F13B: variants seen among roughly 807,000 people sequenced by gnomAD.
F13B encodes the protein TGase.
F13B carries 58 observed loss-of-function variants against 79.8 expected under a neutral mutation model. The ratio of observed to expected loss-of-function variants is 0.73; its 90% CI spans 0.59 to 0.90. The LOEUF (loss-of-function observed/expected upper bound fraction) is 0.90, where lower values mean the gene tolerates loss of function less well. Ranked by LOEUF, F13B falls within the 40% of genes least tolerant of loss-of-function variation. The probability of loss-of-function intolerance (pLI) is 0.00; values close to 1 mark genes in which losing one functional copy is unlikely to be tolerated. For missense variants in F13B, 773 were observed against 777.0 expected (o/e 0.99, Z 0.06); for synonymous variants, 283 against 260.3 (o/e 1.09, Z -0.84).
intron 1 of F13B, among the ~76,000 whole-genome samples, chr1:197,065,339 C>CA (rs1161588416): frequency 3.3e-5 from 5 of 151,738 alleles, no homozygotes. Context: ...GAATTCCTGA[C>CA]AAAAAATTAA....
chr1:197,052,445 G>A (rs148278277), intron 9 of F13B, among the ~76,000 whole-genome samples, 189 bp downstream of exon 9: 23 of 151,878 alleles, frequency 1.5e-4, no homozygotes, highest in Admixed American at 1.2e-3. Context: ...CATGGCACAC[G>A]TATACCCATG....
At position 197,052,659 on chromosome 1, in the gene F13B, C is replaced by T; in HGVS notation, c.1530G>A (p.Val510=). 1.9e-6 allele frequency: 3 copies of T among 1,611,258 alleles called. No homozygotes were observed. ...CTTTTCTAGTACATAAAGGATATTT[C>T]ACTTCTCCTCTGTTGCACTGCACAG... The part of the protein sequence containing the change: ...ELSVQCNRGE[V]KYPLCTRKES... The change falls in exon 9 of 12, where the codon GTG becomes GTA. Residue 510 remains valine, a synonymous_variant. Transcript: ENST00000367412.
At position 197,039,280 on chromosome 1, in the gene F13B, G is replaced by C; in HGVS notation, c.*98C>G. 9.7e-7 allele frequency: 1 copy of C among 1,031,184 alleles called. No individual in the cohort carries two copies. The highest frequency in any genetic ancestry group is 1.4e-5 in the South Asian group (1 of 71,678). The allele number at this position is 1,031,184 out of a possible 1,614,324, so 63.9% of individuals were successfully genotyped here. A position where few individuals can be genotyped will look rare whatever the true frequency, so the allele number is the denominator to read the frequency against. ...ATTTAGATTCAAATATTTAAGCAAG[G>C]AAAAACTCCGAAGTTTTTAACTTAT... On this transcript the variant is annotated 3_prime_UTR_variant, in exon 12 of 12. Transcript: ENST00000367412.
intron 9 of F13B, among the ~76,000 whole-genome samples, chr1:197,051,637 T>C (rs1232887044): frequency 2.0e-5 from 3 of 152,150 alleles, no homozygotes; most frequent in Non-Finnish European, 4.4e-5. Flanking sequence ...AATTAAAAGA[T>C]GTCAGCATGG....
intron 5 of F13B, among the ~76,000 whole-genome samples, chr1:197,058,816 A>T (rs893053027): frequency 5.3e-5 from 8 of 152,092 alleles, no homozygotes; most frequent in African/African-American, 1.9e-4. Context: ...CCACAACTGA[A>T]TTATATTGTT....
Position 197,039,143 on chromosome 1 carries a change from T to C in F13B, c.*235A>G. On this transcript the variant is annotated 3_prime_UTR_variant, in exon 12 of 12. Transcript: ENST00000367412. ...AAAATATGATGTGTAGATTAATTTGTAACAGATGGAAGACATACAAAAGAG... is the reference window on the plus strand; with the variant it reads ...AAAATATGATGTGTAGATTAATTTGCAACAGATGGAAGACATACAAAAGAG... 1 of 477,570 alleles carries C rather than the reference T, an allele frequency of 2.1e-6. No individual in the cohort carries two copies. The highest frequency in any genetic ancestry group is 3.7e-6 in the Non-Finnish European group (1 of 268,070). The allele number at this position is 477,570 out of a possible 1,614,324, so 29.6% of individuals were successfully genotyped here.
At chr1:197,039,508 T>G in intron 11 of F13B, 97 bp from the exon 12 acceptor site, 1 of 915,318 alleles carries the variant, frequency 1.1e-6, no homozygotes, top group East Asian at 2.4e-5. Flanking sequence ...AATGAGTCAT[T>G]GTTTTTATTA....
chr1:197,067,047 G>C, intron 1 of F13B, 113 bp downstream of exon 1: 1 of 537,950 alleles, frequency 1.9e-6, no homozygotes. Flanking sequence ...TATAAAATAT[G>C]TTATAAAATT....
chr1:197,060,460 A>C lies in F13B; in HGVS notation c.711T>G (p.Val237=), dbSNP rs1383279298. The C allele has an allele frequency of 6.2e-7, 1 of 1,609,476 alleles. No individual in the cohort carries two copies. The highest frequency in any genetic ancestry group is 2.2e-5 in the East Asian group (1 of 44,692). Residue 237 remains valine (V), a synonymous_variant, in exon 5 of 12, where the codon GTT becomes GTG. Transcript: ENST00000367412. ...AATAATTTTCATGACAGAAAAACTGAACGACATCTCCTTCTTCATAGGTTT... is the reference window on the plus strand; with the variant it reads ...AATAATTTTCATGACAGAAAAACTGCACGACATCTCCTTCTTCATAGGTTT... ...VKQTYEEGDV[V]QFFCHENYYL...
Position 197,060,968 on chromosome 1 carries a change from C to T in F13B, c.559G>A (p.Ala187Thr), listed in dbSNP as rs776371735. ...ACCTCCTCTGTCTTCTTTCCTCCAG[C>T]TGTGTAGTAGCCAGTAGCACATTCG... ...QYECATGYYT[A>T]GGKKTEEVEC... is the part of the protein sequence containing the mutation. The change falls in exon 4 of 12, where the codon GCT becomes ACT. Residue 187 changes from alanine (A) to threonine (T), a missense_variant. Coordinates refer to ENST00000367412, the MANE Select transcript of F13B (RefSeq NM_001994.3). 2 of 1,613,140 alleles carry T rather than the reference C, an allele frequency of 1.2e-6. No individual in the cohort carries two copies. Among genetic ancestry groups the T allele is most frequent in the East Asian group, 4.5e-5 (2 of 44,810 alleles).
At chr1:197,043,990 C>A (rs1655132732) in intron 10 of F13B, among the ~76,000 whole-genome samples, 1 of 151,654 alleles carries the variant, frequency 6.6e-6, no homozygotes, top group South Asian at 2.1e-4. Context: ...CACTGATCTC[C>A]CTGGGAGCTG....
intron 1 of F13B, among the ~76,000 whole-genome samples, chr1:197,066,916 T>C (rs1437607713): frequency 6.6e-6 from 1 of 152,188 alleles, no homozygotes; most frequent in Non-Finnish European, 1.5e-5. Context: ...CCTGGTCTCC[T>C]ATGCCCCCTA....
chr1:197,063,802 T>A (rs1373926810), intron 1 of F13B, among the ~76,000 whole-genome samples: 2 of 152,162 alleles, frequency 1.3e-5, no homozygotes, highest in Non-Finnish European at 2.9e-5. Flanking sequence ...ATCCACTACA[T>A]ATTTATACTT....
At position 197,060,993 on chromosome 1, in the gene F13B, G is replaced by T; in HGVS notation, c.534C>A (p.Tyr178Ter). Residue 178 changes from tyrosine to a stop codon, truncating the protein, a stop_gained, in exon 4 of 12, where the codon TAC becomes TAA. Transcript: ENST00000367412. LOFTEE classifies it high-confidence loss of function. ...KTFKVKDKVQ[Y>*]ECATGYYTAG... is the part of the protein sequence containing the mutation. ...CTGTGTAGTAGCCAGTAGCACATTCGTATTGTACTTTGTCCTTCACTTTGA... is the reference window on the plus strand; with the variant it reads ...CTGTGTAGTAGCCAGTAGCACATTCTTATTGTACTTTGTCCTTCACTTTGA... 6.2e-7 allele frequency: 1 copy of T among 1,609,888 alleles called. No individual in the cohort carries two copies. Among genetic ancestry groups the T allele is most frequent in the South Asian group, 1.1e-5 (1 of 90,980 alleles).
intron 10 of F13B, among the ~76,000 whole-genome samples, chr1:197,047,288 T>A (rs1042613430): frequency 6.6e-6 from 1 of 152,078 alleles, no homozygotes; most frequent in Non-Finnish European, 1.5e-5. Flanking sequence ...ATCCAGAATC[T>A]ACAAAGAGCT....
rs533214530 is a variant in F13B at position 197,062,327 on chromosome 1, G to C, written c.266-358C>G. Among the ~76,000 whole-genome samples, 19 of 152,228 alleles carry C rather than the reference G, an allele frequency of 1.2e-4. No homozygotes were observed. The South Asian group carries it at 3.9e-3, about 31-fold the overall frequency. On this transcript the variant is annotated intron_variant, in intron 2 of 11. Coordinates refer to ENST00000367412, the MANE Select transcript of F13B (RefSeq NM_001994.3). The stretch of plus-strand genomic sequence containing the variant: ...TGATAGTTTGATGATAGTGTAGCCT[G>C]ATATAAAATAATGAAATGAGTCAAT...
intron 1 of F13B, among the ~76,000 whole-genome samples, chr1:197,065,321 G>GACAAA (rs1421994718): frequency 7.2e-5 from 11 of 152,046 alleles, no homozygotes; most frequent in Admixed American, 2.0e-4. Context: ...GAATGCCTTG[G>GACAAA]AGAATATGAA....
rs1442020776 is a variant in F13B at position 197,057,072 on chromosome 1, T to C, written c.1112A>G (p.His371Arg). The C allele has an allele frequency of 6.2e-7, 1 of 1,613,848 alleles. No homozygotes were observed. ...TYACKSGYLL[H>R]GSNEITCNRG... is the part of the protein sequence containing the mutation. ...ATTACAAGTTATCTCATTCGATCCATGGAGAAGGTAGCCGCTTTTACATGC... is the reference window on the plus strand; with the variant it reads ...ATTACAAGTTATCTCATTCGATCCACGGAGAAGGTAGCCGCTTTTACATGC... The change falls in exon 7 of 12, where the codon CAT becomes CGT. Residue 371 changes from histidine to arginine, a missense_variant. By Grantham distance (29) the His-to-Arg change is conservative. Transcript: ENST00000367412.
At chr1:197,046,694 G>T (rs879171989) in intron 10 of F13B, among the ~76,000 whole-genome samples, 3 of 152,058 alleles carry the variant, frequency 2.0e-5, no homozygotes, top group Non-Finnish European at 2.9e-5. Flanking sequence ...AAAAGAGCCC[G>T]CATTGCCAAG....
Sources: allele counts gnomAD v4.1 joint callset (sites outside exome capture counted in the v4.1 genomes callset), GRCh38; gene constraint gnomAD v4.1.1; transcripts MANE v1.5; gene names NCBI Gene and HGNC (gene_info 2026-07-23, HGNC 2026-07-21).